IL17RC: variants seen among roughly 807,000 people sequenced by gnomAD.
IL17RC encodes the protein interleukin-17 receptor C.
A neutral mutation model predicts 86.7 loss-of-function variants in IL17RC; 53 were observed. The observed-to-expected ratio is 0.61, with a 90% CI of 0.49 to 0.77. The LOEUF is 0.77. IL17RC is among the 30% of genes least tolerant of loss of function. The probability of loss-of-function intolerance (pLI) is 0.00; values close to 1 mark genes in which losing one functional copy is unlikely to be tolerated. For missense variants in IL17RC, 957 were observed against 940.0 expected (o/e 1.02, Z -0.24); for synonymous variants, 439 against 413.1 (o/e 1.06, Z -0.76).
intron 9 of IL17RC, among the ~76,000 whole-genome samples, chr3:9,926,982 T>A (rs1202540561): frequency 1.3e-5 from 2 of 152,212 alleles, no homozygotes; most frequent in Admixed American, 1.3e-4. Flanking sequence ...TGAATAAATG[T>A]TACTGCCTAA....
At chr3:9,922,602 C>T (rs760712149) in intron 7 of IL17RC, among the ~76,000 whole-genome samples, 26 of 152,118 alleles carry the variant, frequency 1.7e-4, no homozygotes, top group South Asian at 4.2e-4. Flanking sequence ...GACAAAAAAC[C>T]CGACCCCACG....
intron 7 of IL17RC, among the ~76,000 whole-genome samples, chr3:9,921,659 C>G (rs2125165580): frequency 7.0e-6 from 1 of 143,064 alleles, no homozygotes; most frequent in South Asian, 2.3e-4. Flanking sequence ...GAGTCTCGCT[C>G]TGTCGCTCAG....
At chr3:9,925,059 T>C (rs2083928793) in intron 9 of IL17RC, among the ~76,000 whole-genome samples, 1 of 150,770 alleles carries the variant, frequency 6.6e-6, no homozygotes, top group African/African-American at 2.4e-5. Flanking sequence ...CACCTCAGCC[T>C]CCCACCAAGT....
intron 2 of IL17RC, 68 bp from the exon 3 acceptor site, chr3:9,917,855 G>C: frequency 6.2e-7 from 1 of 1,610,148 alleles, no homozygotes; most frequent in Non-Finnish European, 8.5e-7. Flanking sequence ...GGCTCTCTGG[G>C]TATGTCAGGT....
intron 6 of IL17RC, 108 bp from the exon 7 acceptor site, chr3:9,920,817 T>G (rs906853633): frequency 2.3e-5 from 20 of 853,566 alleles, no homozygotes; most frequent in Middle Eastern, 6.7e-4. Context: ...GTGGGTGGTA[T>G]GTAGGGGATG....
At position 9,930,834 on chromosome 3, in the gene IL17RC, C is replaced by A; in HGVS notation, c.1339-61C>A. On this transcript the variant is annotated intron_variant, in intron 15 of 18. Coordinates refer to ENST00000403601, the MANE Select transcript of IL17RC (RefSeq NM_153460.4). The surrounding 1 kb of genome is among the most constrained non-coding windows in gnomAD (Gnocchi z 5.8). ...GAATTTGGAGATCAGGCCACCAGAG[C>A]TTGGTGAATATTGGAACACCTGGCT... 1.4e-6 allele frequency: 2 copies of A among 1,442,862 alleles called. No individual in the cohort carries two copies. Among genetic ancestry groups the A allele is most frequent in the Non-Finnish European group, 2.0e-6 (2 of 1,023,922 alleles). The allele number at this position is 1,442,862 out of a possible 1,614,324, so 89.4% of individuals were successfully genotyped here.
rs708567 is a variant in IL17RC at position 9,918,386 on chromosome 3, C to T, written c.332C>T (p.Ser111Leu). The change falls in exon 4 of 19, where the codon TCA becomes TTA. Residue 111 changes from serine (S) to leucine (L), a missense_variant. Ser to Leu is a moderately radical substitution (Grantham distance 145). Transcript: ENST00000403601. The part of the protein sequence containing the change: ...DEEKFGGAAD[S>L]GVEEPRNASL... ...GAAAAGTTTGGAGGAGCAGCTGACT[C>T]AGGGGTGGAGGAGCCTAGGAATGGT... 0.51 allele frequency: 819,788 copies of T among 1,607,902 alleles called. 215,790 individuals are homozygous for T. Among genetic ancestry groups the T allele is most frequent in the Non-Finnish European group, 0.54 (635,774 of 1,176,646 alleles).
chr3:9,932,694 C>T lies in IL17RC; in HGVS notation c.1474C>T (p.His492Tyr). ...LSLILLLKKD[H>Y]AKGWLRLLKQ... The stretch of plus-strand genomic sequence containing the variant: ...CCTCATCCTCCTTCTCAAAAAGGAT[C>T]ACGCGAAAGGTGAGCGCTTCCCGGC... Residue 492 changes from histidine (H) to tyrosine (Y), a missense_variant, in exon 17 of 19, where the codon CAC becomes TAC. By Grantham distance (83) the His-to-Tyr change is moderately conservative. Transcript: ENST00000403601. 2 of 1,614,148 alleles carry T rather than the reference C, an allele frequency of 1.2e-6. No homozygotes were observed. The highest frequency in any genetic ancestry group is 1.1e-5 in the South Asian group (1 of 91,084).
At position 9,917,947 on chromosome 3, in the gene IL17RC, G is replaced by A. The variant is rs2125121002; in HGVS notation, c.152G>A (p.Gly51Glu). The change falls in exon 3 of 19, where the codon GGG (glycine) becomes GAG (glutamate). Residue 51 changes from glycine to glutamate, a missense_variant. Physicochemically the swap from Gly to Glu is moderately conservative, Grantham distance 98 (BLOSUM62 -2). Transcript: ENST00000403601. ...LWDSDILCLP[G>E]DIVPAPGPVL... ...GACAGTGACATACTCTGCCTGCCTG[G>A]GGACATCGTGCCTGCTCCGGGCCCC... is the stretch of plus-strand genomic sequence containing the variant. 1.9e-6 allele frequency: 3 copies of A among 1,613,476 alleles called. No homozygotes were observed. The highest frequency in any genetic ancestry group is 2.5e-6 in the Non-Finnish European group (3 of 1,180,028).
intron 16 of IL17RC, among the ~76,000 whole-genome samples, chr3:9,931,826 T>A (rs2084736176): frequency 6.8e-6 from 1 of 146,090 alleles, no homozygotes; most frequent in African/African-American, 2.6e-5. Flanking sequence ...TTTTAAAAGA[T>A]CTCTGAGGCT....
At position 9,930,210 on chromosome 3, in the gene IL17RC, A is replaced by G; in HGVS notation, c.1278+61A>G. ...CAAATGCATCTCACATCTGGCCTCA[A>G]ATTTTCACTCCATCCACCCTGTGCC... is the stretch of plus-strand genomic sequence containing the variant. On this transcript the variant is annotated intron_variant, in intron 14 of 18. Coordinates refer to ENST00000403601, the MANE Select transcript of IL17RC (RefSeq NM_153460.4). The surrounding 1 kb of genome is among the most constrained non-coding windows in gnomAD (Gnocchi z 5.8). 1 of 1,601,742 alleles carries G rather than the reference A, an allele frequency of 6.2e-7. No homozygotes were observed. The highest frequency in any genetic ancestry group is 8.5e-7 in the Non-Finnish European group (1 of 1,171,290).
chr3:9,927,515 A>C (rs187942292), intron 9 of IL17RC, among the ~76,000 whole-genome samples: 5 of 152,330 alleles, frequency 3.3e-5, no homozygotes, highest in African/African-American at 1.2e-4. Context: ...CTGAGATCAC[A>C]CCACTGCACT....
intron 12 of IL17RC, 55 bp downstream of exon 12, chr3:9,928,685 A>G: frequency 6.4e-7 from 1 of 1,563,348 alleles, no homozygotes; most frequent in Non-Finnish European, 8.8e-7. Flanking sequence ...CAGACCCCCC[A>G]GCCAAGGGGG....
intron 6 of IL17RC, 44 bp from the exon 7 acceptor site, chr3:9,920,881 T>G (rs2083481944): frequency 4.4e-6 from 7 of 1,587,350 alleles, no homozygotes; most frequent in African/African-American, 1.3e-5. Flanking sequence ...CTTCTTTCCT[T>G]GGCCCCCAGC....
In IL17RC at chr3:9,930,086, C is replaced by A; in HGVS notation, c.1215C>A (p.Asp405Glu). ...TGTTGGAGACACGAGGCCCCCAGGA[C>A]AACAGATCCCTCTGTGCCTTGGAAC... ...VLLLETRGPQ[D>E]NRSLCALEPS... Residue 405 changes from aspartate (D) to glutamate (E), a missense_variant, in exon 14 of 19, where the codon GAC becomes GAA. By Grantham distance (45) the Asp-to-Glu change is conservative. Transcript: ENST00000403601. The surrounding 1 kb of genome is among the most constrained non-coding windows in gnomAD (Gnocchi z 5.8). The A allele has an allele frequency of 6.2e-7, 1 of 1,614,134 alleles. No homozygotes were observed. Among genetic ancestry groups the A allele is most frequent in the Non-Finnish European group, 8.5e-7 (1 of 1,180,012 alleles).
At position 9,933,355 on chromosome 3, in the gene IL17RC, C is replaced by G; in HGVS notation, c.1925C>G (p.Ala642Gly). ...ACFDRLLHPD[A>G]VPALFRTVPV... ...TTCGACAGGCTGCTCCACCCGGACG[C>G]CGTACCCGCCCTTTTCCGCACCGTG... The change falls in exon 19 of 19, where the codon GCC becomes GGC. Residue 642 changes from alanine to glycine, a missense_variant. Ala to Gly is a moderately conservative substitution (Grantham distance 60, BLOSUM62 0). Coordinates refer to ENST00000403601, the MANE Select transcript of IL17RC (RefSeq NM_153460.4). 6.2e-7 allele frequency: 1 copy of G among 1,611,536 alleles called. No individual in the cohort carries two copies. Among genetic ancestry groups the G allele is most frequent in the Middle Eastern group, 1.7e-4 (1 of 6,058 alleles).
chr3:9,923,923 A>T lies in IL17RC; in HGVS notation c.665A>T (p.His222Leu), dbSNP rs748779168. The change falls in exon 8 of 19, where the codon CAT becomes CTT. Residue 222 changes from histidine (H) to leucine (L), a missense_variant. Transcript: ENST00000403601. ...LNVSADGDNV[H>L]LVLNVSEEQH... is the part of the protein sequence containing the mutation. ...GTGTCAGCAGATGGTGACAACGTGCATCTGGTTCTGAATGTCTCTGAGGAG... is the reference window on the plus strand; with the variant it reads ...GTGTCAGCAGATGGTGACAACGTGCTTCTGGTTCTGAATGTCTCTGAGGAG... 6.2e-7 allele frequency: 1 copy of T among 1,614,164 alleles called. No homozygotes were observed. Among genetic ancestry groups the T allele is most frequent in the South Asian group, 1.1e-5 (1 of 91,082 alleles).
At chr3:9,923,279 G>A (rs901055398) in intron 7 of IL17RC, among the ~76,000 whole-genome samples, 1 of 128,918 alleles carries the variant, frequency 7.8e-6, no homozygotes, top group African/African-American at 3.0e-5. Context: ...GGCTGTGCGC[G>A]ATGGCTCACG....
intron 7 of IL17RC, among the ~76,000 whole-genome samples, chr3:9,921,586 A>T (rs2083555430): frequency 6.6e-6 from 1 of 152,030 alleles, no homozygotes; most frequent in African/African-American, 2.4e-5. Context: ...ATTGTGTATA[A>T]CATACATACA....
Sources: allele counts gnomAD v4.1 joint callset (sites outside exome capture counted in the v4.1 genomes callset), GRCh38; gene constraint gnomAD v4.1.1; non-coding constraint Gnocchi (gnomAD v3.1); transcripts MANE v1.5; gene names NCBI Gene and HGNC (gene_info 2026-07-23, HGNC 2026-07-21).